Variants in NRXN1 observed in about 807,000 individuals in gnomAD.
The protein encoded by NRXN1 is neurexin 1.
A neutral mutation model predicts 150.9 loss-of-function variants in NRXN1; 39 were observed. The observed-to-expected ratio is 0.26, with a 90% CI of 0.20 to 0.34. The LOEUF is 0.34. Among genes scored for constraint, NRXN1 ranks in the 10% least tolerant of loss-of-function variants. NRXN1 has a pLI of 1.00. For synonymous variants in NRXN1, 924 were observed against 757.0 expected (o/e 1.22, Z -3.62); for missense variants, 1,815 against 1,949.9 (o/e 0.93, Z 1.30).
At chr2:50,797,869 C>T (rs1041871758) in intron 5 of NRXN1, among the ~76,000 whole-genome samples, 13 of 152,168 alleles carry the variant, frequency 8.5e-5, no homozygotes, top group African/African-American at 2.9e-4. Flanking sequence ...GACAAACTAA[C>T]TTCAGTGAAA....
chr2:50,750,856 C>G (rs1270259337), intron 5 of NRXN1, among the ~76,000 whole-genome samples: 1 of 151,934 alleles, frequency 6.6e-6, no homozygotes, highest in African/African-American at 2.4e-5. Flanking sequence ...AATAACTATG[C>G]TTATTATAAG....
At chr2:50,416,944 G>C (rs2083581876) in intron 17 of NRXN1, 1 of 152,046 alleles carries the variant, frequency 6.6e-6, no homozygotes, top group African/African-American at 2.4e-5. Context: ...TTTTCAGAAA[G>C]TTATATTTTG....
intron 5 of NRXN1, among the ~76,000 whole-genome samples, chr2:50,663,529 A>G (rs556343151): frequency 4.6e-5 from 7 of 152,044 alleles, no homozygotes; most frequent in Non-Finnish European, 1.0e-4. Context: ...TTAGATAAAT[A>G]GAAAAAATTA....
At chr2:50,981,979 G>A (rs1696905581) in intron 2 of NRXN1, among the ~76,000 whole-genome samples, 1 of 151,814 alleles carries the variant, frequency 6.6e-6, no homozygotes, top group African/African-American at 2.4e-5. Context: ...AGAAAGAGGA[G>A]CTCTGAAAAT....
At chr2:50,459,800 C>A (rs1573060118) in intron 17 of NRXN1, among the ~76,000 whole-genome samples, 1 of 151,998 alleles carries the variant, frequency 6.6e-6, no homozygotes, top group Non-Finnish European at 1.5e-5. Context: ...TTCACACGGG[C>A]TTTTGGTACA....
At chr2:50,745,397 C>T (rs977069968) in intron 5 of NRXN1, among the ~76,000 whole-genome samples, 24 of 147,222 alleles carry the variant, frequency 1.6e-4, no homozygotes, top group Non-Finnish European at 3.6e-4. Context: ...CTTCCTCTCC[C>T]TTCCCCTCCC....
chr2:50,135,418 C>T (rs533509918), intron 18 of NRXN1, among the ~76,000 whole-genome samples: 58 of 151,956 alleles, frequency 3.8e-4, no homozygotes, highest in African/African-American at 1.3e-3. Context: ...GCTGCCCAAT[C>T]GCGGTGGCTC....
intron 5 of NRXN1, among the ~76,000 whole-genome samples, chr2:50,746,063 A>G (rs1699987145): frequency 6.6e-6 from 1 of 152,086 alleles, no homozygotes; most frequent in Non-Finnish European, 1.5e-5. Context: ...CTCCATTTCA[A>G]TTTCTGAGCT....
intron 2 of NRXN1, among the ~76,000 whole-genome samples, chr2:50,962,677 A>G (rs191673257): frequency 3.5e-4 from 53 of 151,640 alleles, no homozygotes; most frequent in Admixed American, 7.9e-4. Context: ...TGAAGTTATG[A>G]TTTTGCTATA....
intron 5 of NRXN1, among the ~76,000 whole-genome samples, chr2:50,681,624 C>A (rs1690418991): frequency 2.0e-5 from 3 of 152,136 alleles, no homozygotes; most frequent in South Asian, 4.1e-4. Context: ...AAGTAATATT[C>A]TAGGACTATT....
chr2:50,785,712 C>A (rs1705020399), intron 5 of NRXN1, among the ~76,000 whole-genome samples: 2 of 152,058 alleles, frequency 1.3e-5, no homozygotes, highest in Admixed American at 1.3e-4. Flanking sequence ...CAGGAGCAGA[C>A]AGGTGAGTAG....
At chr2:50,890,832 T>C (rs1030559476) in intron 5 of NRXN1, among the ~76,000 whole-genome samples, 4 of 152,064 alleles carry the variant, frequency 2.6e-5, no homozygotes, top group African/African-American at 4.8e-5. Flanking sequence ...ACTGTATTTG[T>C]TTTATTGTAT....
chr2:50,967,757 G>T (rs1324930956), intron 2 of NRXN1, among the ~76,000 whole-genome samples: 39 of 151,814 alleles, frequency 2.6e-4, no homozygotes, highest in Admixed American at 2.6e-3. Flanking sequence ...TGTGCATTTT[G>T]CACTTTTACC....
At chr2:50,163,202 T>C (rs1489594767) in intron 18 of NRXN1, among the ~76,000 whole-genome samples, 1 of 138,754 alleles carries the variant, frequency 7.2e-6, no homozygotes, top group East Asian at 2.0e-4. Context: ...ATACTAAATG[T>C]AGTATCTTAA....
At chr2:50,619,264 T>C (rs1429952566) in intron 8 of NRXN1, 1 of 152,192 alleles carries the variant, frequency 6.6e-6, no homozygotes, top group East Asian at 1.9e-4. Flanking sequence ...CTGGTTCCAG[T>C]AGCCCAAAGA....
In NRXN1 at chr2:50,185,123, T is replaced by G. The variant is rs964047933; in HGVS notation, c.3546+51666A>C. 4.6e-5 allele frequency among the ~76,000 whole-genome samples: 7 copies of G among 152,102 alleles called. 1 individual carries two copies. The highest frequency in any genetic ancestry group is 1.7e-4 in the African/African-American group (7 of 41,446). On this transcript the variant is annotated intron_variant, in intron 18 of 22. Transcript: ENST00000401669. ...GATGGGGAGAATGAGAGAAACTGAA[T>G]GATCTCACCAGCTAATCCATCCATG...
chr2:51,006,220 A>G (rs1700700882), intron 2 of NRXN1, among the ~76,000 whole-genome samples: 1 of 151,910 alleles, frequency 6.6e-6, no homozygotes, highest in African/African-American at 2.4e-5. Flanking sequence ...CAGCCATAAA[A>G]AATGATGAGT....
At chr2:50,060,711 G>A (rs1050892317) in intron 19 of NRXN1, among the ~76,000 whole-genome samples, 15 of 152,276 alleles carry the variant, frequency 9.9e-5, no homozygotes, top group Admixed American at 2.6e-4. Flanking sequence ...TAGTGAATAA[G>A]TGTCATGAGA....
At chr2:50,778,368 G>A (rs955221662) in intron 5 of NRXN1, among the ~76,000 whole-genome samples, 34 of 152,302 alleles carry the variant, frequency 2.2e-4, no homozygotes, top group African/African-American at 7.7e-4. Flanking sequence ...CATAGTAATT[G>A]TTTTTAAATA....
Sources: gnomAD v4.1 joint callset for allele counts (sites outside exome capture counted in the v4.1 genomes callset) on GRCh38, gnomAD v4.1.1 for gene constraint, MANE v1.5 for transcripts, NCBI Gene and HGNC (gene_info 2026-07-23, HGNC 2026-07-21) for gene names.